The following C1orf50 variants were observed in gnomAD, a reference collection of about 807,000 sequenced individuals.
C1orf50 encodes the protein uncharacterized protein C1orf50.
In C1orf50, 22 loss-of-function variants were observed where a neutral mutation model predicts 23.3. The ratio of observed to expected loss-of-function variants is 0.94; its 90% CI spans 0.67 to 1.35. The LOEUF is 1.35. Ranked by LOEUF, C1orf50 falls within the 40% of genes most tolerant of loss-of-function variation. The pLI, the probability that C1orf50 is intolerant of heterozygous loss-of-function variation, is 0.00. For missense variants in C1orf50, 271 were observed against 249.4 expected (o/e 1.09, Z -0.58); for synonymous variants, 96 against 102.4 (o/e 0.94, Z 0.38).
chr1:42,773,635 GA>G lies in C1orf50; in HGVS notation c.270del (p.Glu90AspfsTer19). On this transcript the variant is annotated frameshift_variant, in exon 3 of 5. Transcript: ENST00000372525. LOFTEE classifies it high-confidence loss of function. ...VIAEQIQHLQ[E>X]QARKVLEDAH... ...AGCTGAGCAAATCCAACATTTGCAA[GA>G]ACAAGCCAGGAAGGTAAGGAATGAC... The G allele has an allele frequency of 6.2e-7, 1 of 1,610,562 alleles. No homozygotes were observed. The highest frequency in any genetic ancestry group is 8.5e-7 in the Non-Finnish European group (1 of 1,177,088).
intron 2 of C1orf50, among the ~76,000 whole-genome samples, chr1:42,771,292 G>A (rs1416808975): frequency 6.6e-6 from 1 of 152,098 alleles, no homozygotes; most frequent in African/African-American, 2.4e-5. Flanking sequence ...CTTGTGTTAC[G>A]TTGTTAGTGT....
intron 2 of C1orf50, among the ~76,000 whole-genome samples, chr1:42,771,564 T>C (rs1653221028): frequency 6.6e-6 from 1 of 152,188 alleles, no homozygotes; most frequent in South Asian, 2.1e-4. Context: ...AAATATGGAT[T>C]AGACTGAGAA....
chr1:42,778,740 A>G lies in C1orf50; in HGVS notation c.*3346A>G, dbSNP rs964430997. The G allele has an allele frequency of 4.6e-5, 7 of 152,314 alleles. No homozygotes were observed. Among genetic ancestry groups the G allele is most frequent in the African/African-American group, 1.2e-4 (5 of 41,454 alleles). The allele number at this position is 152,314 out of a possible 1,614,324, so 9.4% of individuals were successfully genotyped here. On this transcript the variant is annotated 3_prime_UTR_variant, in exon 5 of 5. Transcript: ENST00000372525. ...AAATAACATGGAAGGGACATTGACC[A>G]GAATTGACACGACATTTGGGGAATC...
intron 2 of C1orf50, among the ~76,000 whole-genome samples, chr1:42,770,453 A>C (rs1204039524): frequency 7.1e-6 from 1 of 140,626 alleles, no homozygotes; most frequent in Non-Finnish European, 1.5e-5. Flanking sequence ...TTTTTTTGAG[A>C]TGGAGTTTCG....
In C1orf50 at chr1:42,777,836, A is replaced by G. The variant is rs1302164485; in HGVS notation, c.*2442A>G. 6.6e-6 allele frequency: 1 copy of G among 151,890 alleles called. No homozygotes were observed. The highest frequency in any genetic ancestry group is 2.4e-5 in the African/African-American group (1 of 41,320). 9.4% of individuals were successfully genotyped at this position (151,890 alleles called of 1,614,324 possible). A position where few individuals can be genotyped will look rare whatever the true frequency, so the allele number is the denominator to read the frequency against. On this transcript the variant is annotated 3_prime_UTR_variant, in exon 5 of 5. Coordinates refer to ENST00000372525, the MANE Select transcript of C1orf50 (RefSeq NM_024097.4). ...GTCACAGATCTGCACTTGACTGTCA[A>G]CTCTGACAAGACAGCCTCCCAGCTG...
chr1:42,767,700 A>T, intron 2 of C1orf50, 76 bp downstream of exon 2: 1 of 1,309,580 alleles, frequency 7.6e-7, no homozygotes, highest in Non-Finnish European at 1.1e-6. Context: ...CTCAGACCTC[A>T]CTACCACCTA....
intron 2 of C1orf50, among the ~76,000 whole-genome samples, chr1:42,771,775 C>T (rs964681203): frequency 3.9e-5 from 6 of 152,016 alleles, no homozygotes; most frequent in Non-Finnish European, 8.8e-5. Flanking sequence ...GCCAGGAGTT[C>T]GAGGCCAGCC....
intron 2 of C1orf50, among the ~76,000 whole-genome samples, chr1:42,767,986 G>T (rs1653122547): frequency 6.6e-6 from 1 of 152,148 alleles, no homozygotes; most frequent in Non-Finnish European, 1.5e-5. Context: ...TTCAAGGTCC[G>T]CTTATTTTAA....
At chr1:42,774,623 G>A (rs1653295477) in intron 3 of C1orf50, 114 bp from the exon 4 acceptor site, 1 of 1,157,086 alleles carries the variant, frequency 8.6e-7, no homozygotes, top group Admixed American at 2.2e-5. Flanking sequence ...TCATTGCTAT[G>A]GGGGAGCAAG....
Position 42,767,574 on chromosome 1 carries a change from C to G in C1orf50, c.145C>G (p.Arg49Gly). 6.2e-7 allele frequency: 1 copy of G among 1,611,594 alleles called. No individual in the cohort carries two copies. Among genetic ancestry groups the G allele is most frequent in the Non-Finnish European group, 8.5e-7 (1 of 1,179,496 alleles). ...LALVSPYHTH[R>G]AGDPLDLVAL... ...CCTGGTGAGCCCCTACCACACCCAC[C>G]GGGCCGGGGACCCCTTAGACCTCGT... is the stretch of plus-strand genomic sequence containing the variant. Residue 49 changes from arginine to glycine, a missense_variant, in exon 2 of 5, where the codon CGG (arginine) becomes GGG (glycine). Coordinates refer to ENST00000372525, the MANE Select transcript of C1orf50 (RefSeq NM_024097.4).
intron 2 of C1orf50, among the ~76,000 whole-genome samples, chr1:42,767,964 T>C (rs751355116): frequency 5.3e-5 from 8 of 152,230 alleles, no homozygotes; most frequent in Non-Finnish European, 1.0e-4. Flanking sequence ...AAAGAAAAGT[T>C]CTTCGGGAAG....
intron 3 of C1orf50, 69 bp downstream of exon 3, chr1:42,773,718 A>G: frequency 9.3e-7 from 1 of 1,080,896 alleles, no homozygotes; most frequent in South Asian, 1.4e-5. Flanking sequence ...GAACTTGTTT[A>G]TAATCGTTGT....
intron 3 of C1orf50, 39 bp downstream of exon 3, chr1:42,773,688 T>G: frequency 7.1e-7 from 1 of 1,407,208 alleles, no homozygotes; most frequent in Non-Finnish European, 1.0e-6. Context: ...ATTTTCTTTA[T>G]TTAGTTCTCA....
In C1orf50 at chr1:42,774,774, A is replaced by G. The variant is rs922375693; in HGVS notation, c.320A>G (p.His107Arg). The change falls in exon 4 of 5, where the codon CAT (histidine) becomes CGT (arginine). Residue 107 changes from histidine (H) to arginine (R), a missense_variant. Physicochemically the swap from His to Arg is conservative, Grantham distance 29. Transcript: ENST00000372525. ...GCTCACAGAGATGCCAACCTGCACC[A>G]TGTAGCTTGTAATATAGTGAAAAAA... The part of the protein sequence containing the change: ...EDAHRDANLH[H>R]VACNIVKKPG... 3.1e-6 allele frequency: 5 copies of G among 1,613,610 alleles called. No homozygotes were observed. The highest frequency in any genetic ancestry group is 3.3e-5 in the Admixed American group (2 of 59,998).
chr1:42,770,205 A>AT (rs967326003), intron 2 of C1orf50, among the ~76,000 whole-genome samples: 21 of 151,326 alleles, frequency 1.4e-4, no homozygotes, highest in African/African-American at 4.6e-4. Context: ...AATATTTTGC[A>AT]TTTTTTTTGT....
chr1:42,770,255 A>G (rs544011658), intron 2 of C1orf50, among the ~76,000 whole-genome samples: 3 of 151,926 alleles, frequency 2.0e-5, no homozygotes, highest in East Asian at 1.9e-4. Context: ...AGACTAATCC[A>G]TATTTTGCAT....
chr1:42,770,549 C>T (rs1020887207), intron 2 of C1orf50, among the ~76,000 whole-genome samples: 3 of 152,104 alleles, frequency 2.0e-5, no homozygotes, highest in African/African-American at 7.2e-5. Context: ...TCTCCTGCCT[C>T]AGCCTCCCAA....
intron 3 of C1orf50, 113 bp from the exon 4 acceptor site, chr1:42,774,624 G>A (rs1376950095): frequency 8.6e-7 from 1 of 1,169,238 alleles, no homozygotes; most frequent in Non-Finnish European, 1.2e-6. Context: ...CATTGCTATG[G>A]GGGAGCAAGA....
intron 4 of C1orf50, 81 bp downstream of exon 4, chr1:42,774,949 T>C (rs745638193): frequency 3.9e-5 from 59 of 1,505,694 alleles, no homozygotes; most frequent in Non-Finnish European, 4.8e-5. Context: ...TGTAGACATG[T>C]GGATTGGTAT....
Sources: gnomAD v4.1 joint callset for allele counts (sites outside exome capture counted in the v4.1 genomes callset) on GRCh38, gnomAD v4.1.1 for gene constraint, MANE v1.5 for transcripts, NCBI Gene and HGNC (gene_info 2026-07-23, HGNC 2026-07-21) for gene names.